NGEF: variants seen among roughly 807,000 people sequenced by gnomAD.
NGEF encodes ephexin-1.
In NGEF, 31 loss-of-function variants were observed where a neutral mutation model predicts 80.9. The ratio of observed to expected loss-of-function variants is 0.38; its 90% confidence interval spans 0.29 to 0.52. The LOEUF is 0.52. Ranked by LOEUF, NGEF falls within the 20% of genes least tolerant of loss-of-function variation. The pLI, the probability that NGEF is intolerant of heterozygous loss-of-function variation, is 0.84. For missense variants in NGEF, 709 were observed against 926.2 expected (o/e 0.77, Z 3.04); for synonymous variants, 371 against 370.2 (o/e 1.00, Z -0.03).
At chr2:232,910,484 G>T (rs897774369) in intron 5 of NGEF, among the ~76,000 whole-genome samples, 7 of 152,040 alleles carry the variant, frequency 4.6e-5, no homozygotes, top group African/African-American at 1.7e-4. Flanking sequence ...GGGGGTTGGG[G>T]ACCCCTGTGC....
chr2:233,013,139 G>A lies in NGEF; in HGVS notation c.-146C>T, dbSNP rs555614879. 3.4e-5 allele frequency: 16 copies of A among 471,232 alleles called. No homozygotes were observed. Among genetic ancestry groups the A allele is most frequent in the African/African-American group, 2.6e-4 (13 of 50,174 alleles). 29.2% of individuals were successfully genotyped at this position (471,232 alleles called of 1,614,324 possible). A position where few individuals can be genotyped will look rare whatever the true frequency, so the allele number is the denominator to read the frequency against. ...CCTCCCTCGTCCCCTGTCCTGTCCAGGCACCTGCGAGCAGGATGGTGTGTC... is the reference window on the plus strand; with the variant it reads ...CCTCCCTCGTCCCCTGTCCTGTCCAAGCACCTGCGAGCAGGATGGTGTGTC... On this transcript the variant is annotated 5_prime_UTR_variant, in exon 1 of 15. Coordinates refer to ENST00000264051, the MANE Select transcript of NGEF (RefSeq NM_019850.3).
At chr2:232,961,718 G>C (rs558290733) in intron 3 of NGEF, among the ~76,000 whole-genome samples, 1 of 151,944 alleles carries the variant, frequency 6.6e-6, no homozygotes, top group Non-Finnish European at 1.5e-5. Context: ...GGATGGTCTC[G>C]ATCTCCTGAC....
intron 3 of NGEF, among the ~76,000 whole-genome samples, chr2:232,928,431 G>A (rs1693140758): frequency 6.6e-6 from 1 of 151,914 alleles, no homozygotes; most frequent in East Asian, 1.9e-4. Flanking sequence ...CACGGCGGGG[G>A]AAGCCTGGAA....
intron 3 of NGEF, among the ~76,000 whole-genome samples, chr2:232,955,615 T>A (rs1464846826): frequency 1.3e-5 from 2 of 152,080 alleles, no homozygotes; most frequent in African/African-American, 4.8e-5. Flanking sequence ...ACCTTCTGAG[T>A]TCAAGCAATT....
rs530686799 is a variant in NGEF, at chr2:232,907,925, A to G, written c.828+12359T>C. Reference sequence around the variant, plus strand: ...AGAGTTCGACACCAGCTTGGCCAACATGGTAAAATTCCATCTCTACCAAAA... The same window carrying G: ...AGAGTTCGACACCAGCTTGGCCAACGTGGTAAAATTCCATCTCTACCAAAA... On this transcript the variant is annotated intron_variant, in intron 5 of 14. Coordinates refer to ENST00000264051, the MANE Select transcript of NGEF (RefSeq NM_019850.3). Among the ~76,000 whole-genome samples, 624 of 152,226 alleles carry G rather than the reference A, an allele frequency of 4.1e-3. 6 individuals are homozygous for G. Among genetic ancestry groups the G allele is most frequent in the African/African-American group, 0.015 (606 of 41,538 alleles).
At chr2:232,949,294 A>C (rs1037290869) in intron 3 of NGEF, among the ~76,000 whole-genome samples, 4 of 152,202 alleles carry the variant, frequency 2.6e-5, no homozygotes, top group African/African-American at 9.7e-5. Flanking sequence ...AACATTTGTC[A>C]TCTGACTCAA....
At chr2:232,884,316 CTG>C (rs148425185) in intron 10 of NGEF, among the ~76,000 whole-genome samples, 172 bp from the exon 11 acceptor site, 3 of 151,228 alleles carry the variant, frequency 2.0e-5, no homozygotes, top group East Asian at 3.9e-4. Flanking sequence ...GATGGCAGGG[CTG>C]TGTGTGTGTG....
At chr2:232,881,647 A>G (rs971484002) in intron 13 of NGEF, among the ~76,000 whole-genome samples, 1 of 152,080 alleles carries the variant, frequency 6.6e-6, no homozygotes, top group African/African-American at 2.4e-5. Flanking sequence ...GTGCAGTGCA[A>G]TCTCAGCTCA....
At chr2:232,928,254 C>T (rs977081452) in intron 3 of NGEF, 6 of 752,430 alleles carry the variant, frequency 8.0e-6, no homozygotes, top group Non-Finnish European at 9.7e-6. Flanking sequence ...GGCGGCGGGG[C>T]GGGGGCGCCC....
At chr2:232,939,347 G>A (rs760366811) in intron 3 of NGEF, among the ~76,000 whole-genome samples, 1 of 152,044 alleles carries the variant, frequency 6.6e-6, no homozygotes, top group Non-Finnish European at 1.5e-5. Flanking sequence ...GAAACAAATA[G>A]AAAGTGATAT....
intron 1 of NGEF, among the ~76,000 whole-genome samples, chr2:233,003,890 G>A (rs1224758568): frequency 3.9e-5 from 6 of 152,142 alleles, no homozygotes; most frequent in African/African-American, 1.4e-4. Context: ...CCCCTGGCCC[G>A]AGCTTGTTGC....
At chr2:232,972,525 G>A (rs1163463069) in intron 2 of NGEF, among the ~76,000 whole-genome samples, 1 of 151,756 alleles carries the variant, frequency 6.6e-6, no homozygotes, top group Non-Finnish European at 1.5e-5. Context: ...GGAGCCAGAA[G>A]GATCTGAACT....
chr2:232,904,742 G>A (rs2106255831), intron 5 of NGEF, among the ~76,000 whole-genome samples: 1 of 152,198 alleles, frequency 6.6e-6, no homozygotes, highest in South Asian at 2.1e-4. Flanking sequence ...CCAGGAGTTG[G>A]AGAATAGCCC....
intron 3 of NGEF, among the ~76,000 whole-genome samples, chr2:232,954,699 T>A (rs190134708): frequency 3.4e-5 from 5 of 145,282 alleles, no homozygotes; most frequent in Admixed American, 2.8e-4. Context: ...CACTCCAGCC[T>A]GGGTGATAGA....
chr2:232,932,902 G>C lies in NGEF; in HGVS notation c.384-5716C>G, dbSNP rs149902885. 5.1e-3 allele frequency among the ~76,000 whole-genome samples: 770 copies of C among 151,842 alleles called. 10 individuals carry two copies. Among genetic ancestry groups the C allele is most frequent in the African/African-American group, 0.017 (701 of 41,366 alleles). On this transcript the variant is annotated intron_variant, in intron 3 of 14. Coordinates refer to ENST00000264051, the MANE Select transcript of NGEF (RefSeq NM_019850.3). ...GTGGATCACCTGAGGTCAGGAGTTC[G>C]AGACCAGCCTGGCCAACATGATGAA...
At chr2:232,884,243 C>T (rs557739596) in intron 10 of NGEF, 99 bp from the exon 11 acceptor site, 365 of 1,347,802 alleles carry the variant, frequency 2.7e-4, no homozygotes, top group Non-Finnish European at 2.8e-4. Flanking sequence ...GACACCTGCC[C>T]AGGGCCCCGA....
At chr2:232,955,352 A>G (rs554681830) in intron 3 of NGEF, among the ~76,000 whole-genome samples, 7 of 152,288 alleles carry the variant, frequency 4.6e-5, no homozygotes, top group South Asian at 2.1e-4. Flanking sequence ...CAGCTTTGAA[A>G]TAGTATCACC....
chr2:232,944,410 C>T (rs1693506711), intron 3 of NGEF, among the ~76,000 whole-genome samples: 1 of 151,988 alleles, frequency 6.6e-6, no homozygotes, highest in South Asian at 2.1e-4. Context: ...TGGAATCAAC[C>T]TGAGTACCTA....
intron 3 of NGEF, among the ~76,000 whole-genome samples, chr2:232,963,100 T>C (rs1027325131): frequency 6.6e-6 from 1 of 151,930 alleles, no homozygotes; most frequent in African/African-American, 2.4e-5. Context: ...CAAGACTATA[T>C]TTAATAAGAA....
Sources: allele counts gnomAD v4.1 joint callset (sites outside exome capture counted in the v4.1 genomes callset), GRCh38; gene constraint gnomAD v4.1.1; transcripts MANE v1.5; gene names NCBI Gene and HGNC (gene_info 2026-07-23, HGNC 2026-07-21).